Variants in NCOA7 observed in about 807,000 individuals in gnomAD.
NCOA7 encodes 140 kDa estrogen receptor-associated protein.
Under a neutral mutation model 104.3 loss-of-function variants are expected in NCOA7, and 45 were observed. That is an observed-to-expected ratio of 0.43 (90% CI 0.34 to 0.55). The LOEUF is 0.55. Ranked by LOEUF, NCOA7 falls within the 20% of genes least tolerant of loss-of-function variation. The pLI is 0.02. For missense variants in NCOA7, 1,041 were observed against 1,119.7 expected (o/e 0.93, Z 1.00); for synonymous variants, 398 against 402.3 (o/e 0.99, Z 0.13).
Position 125,809,671 on chromosome 6 carries a change from A to G in NCOA7, c.-64-5620A>G, listed in dbSNP as rs2003069. On this transcript the variant is annotated intron_variant, in intron 1 of 15. Coordinates refer to ENST00000392477, the MANE Select transcript of NCOA7 (RefSeq NM_181782.5). ...GTCATATTTTGGTATAAATATAACTATTTTCTAGGAGGAAATGCCTGCATA... is the reference window on the plus strand; with the variant it reads ...GTCATATTTTGGTATAAATATAACTGTTTTCTAGGAGGAAATGCCTGCATA... Among the ~76,000 whole-genome samples the G allele has an allele frequency of 7.5e-3, 1,144 of 152,224 alleles. 17 individuals carry two copies. Among genetic ancestry groups the G allele is most frequent in the South Asian group, 0.019 (90 of 4,824 alleles).
At chr6:125,830,082 C>T (rs1302552006) in intron 2 of NCOA7, among the ~76,000 whole-genome samples, 1 of 152,166 alleles carries the variant, frequency 6.6e-6, no homozygotes, top group African/African-American at 2.4e-5. Context: ...CTCAAGGCTG[C>T]TTATTTCTTG....
intron 1 of NCOA7, among the ~76,000 whole-genome samples, chr6:125,799,492 T>C (rs1775680260): frequency 6.6e-6 from 1 of 151,618 alleles, no homozygotes; most frequent in South Asian, 2.1e-4. Flanking sequence ...CAGGCTGGAA[T>C]GCAGTGGCGC....
At chr6:125,922,590 A>T (rs1787676485) in intron 12 of NCOA7, 92 bp from the exon 13 acceptor site, 1 of 1,449,598 alleles carries the variant, frequency 6.9e-7, no homozygotes, top group Non-Finnish European at 9.4e-7. Context: ...TATGATACTG[A>T]GTTTGAATAA....
chr6:125,846,328 A>T (rs1489120273), intron 2 of NCOA7, among the ~76,000 whole-genome samples: 1 of 150,626 alleles, frequency 6.6e-6, no homozygotes, highest in Non-Finnish European at 1.5e-5. Flanking sequence ...GACCCTTGGG[A>T]TGGTTTAGTT....
At chr6:125,874,197 C>T (rs1783172672) in intron 3 of NCOA7, among the ~76,000 whole-genome samples, 1 of 152,168 alleles carries the variant, frequency 6.6e-6, no homozygotes, top group Admixed American at 6.5e-5. Context: ...TGGTGGCGCA[C>T]ACCTGTAATC....
At chr6:125,836,052 GA>G (rs1365125957) in intron 2 of NCOA7, among the ~76,000 whole-genome samples, 2 of 152,084 alleles carry the variant, frequency 1.3e-5, no homozygotes, top group Admixed American at 1.3e-4. Flanking sequence ...AAACAAAATG[GA>G]AAAGGTACAA....
chr6:125,871,633 GAA>G (rs1333413193), intron 3 of NCOA7, among the ~76,000 whole-genome samples: 1 of 152,160 alleles, frequency 6.6e-6, no homozygotes, highest in African/African-American at 2.4e-5. Flanking sequence ...TTACATCAGT[GAA>G]AAGTGTTGCC....
intron 1 of NCOA7, among the ~76,000 whole-genome samples, chr6:125,793,040 A>C (rs1032840153): frequency 6.6e-6 from 1 of 152,202 alleles, no homozygotes; most frequent in African/African-American, 2.4e-5. Flanking sequence ...GCCATACTTT[A>C]TTACTATTGC....
In NCOA7 at chr6:125,889,160, A is replaced by T; in HGVS notation, c.1106A>T (p.Glu369Val). Reference sequence around the variant, plus strand: ...AAGCCCTCAGGCAGCTCTGTGTCAGAGAAATTAAAGAAACTGGACTCCTCT... The same window carrying T: ...AAGCCCTCAGGCAGCTCTGTGTCAGTGAAATTAAAGAAACTGGACTCCTCT... ...PTKPSGSSVS[E>V]KLKKLDSSRE... The change falls in exon 9 of 16, where the codon GAG (glutamate) becomes GTG (valine). Residue 369 changes from glutamate (E) to valine (V), a missense_variant. By Grantham distance (121) the Glu-to-Val change is moderately radical (BLOSUM62 -2). Coordinates refer to ENST00000392477, the MANE Select transcript of NCOA7 (RefSeq NM_181782.5). 2 of 1,614,166 alleles carry T rather than the reference A, an allele frequency of 1.2e-6. No homozygotes were observed. Among genetic ancestry groups the T allele is most frequent in the South Asian group, 2.2e-5 (2 of 91,088 alleles).
At chr6:125,793,499 A>G (rs774887900) in intron 1 of NCOA7, among the ~76,000 whole-genome samples, 9 of 152,142 alleles carry the variant, frequency 5.9e-5, no homozygotes, top group Admixed American at 2.0e-4. Context: ...GTGTCCTACA[A>G]CCAAATGCGC....
At chr6:125,840,867 G>GTTTTTTTTTTTT (rs1305583308) in intron 2 of NCOA7, among the ~76,000 whole-genome samples, 3 of 50,658 alleles carry the variant, frequency 5.9e-5, no homozygotes, top group Non-Finnish European at 7.6e-5. Context: ...TTGTTTGGTT[G>GTTTTTTTTTTTT]GTTTTTTTTT....
chr6:125,834,639 A>C (rs1398857562), intron 2 of NCOA7, among the ~76,000 whole-genome samples: 1 of 152,216 alleles, frequency 6.6e-6, no homozygotes, highest in Non-Finnish European at 1.5e-5. Context: ...TGTTTCTTTT[A>C]AGACCTCACT....
intron 10 of NCOA7, among the ~76,000 whole-genome samples, chr6:125,899,042 G>T (rs1293913023): frequency 1.3e-5 from 2 of 151,884 alleles, no homozygotes; most frequent in Non-Finnish European, 2.9e-5. Flanking sequence ...TATGTAAATT[G>T]CTTTTCCTTA....
intron 1 of NCOA7, among the ~76,000 whole-genome samples, chr6:125,800,583 T>C (rs548415573): frequency 4.6e-5 from 7 of 152,358 alleles, no homozygotes; most frequent in Admixed American, 2.0e-4. Context: ...TTATTAAACA[T>C]AAATTCTGTG....
chr6:125,921,014 G>A lies in NCOA7; in HGVS notation c.2316G>A (p.Val772=). 1 of 1,613,878 alleles carries A rather than the reference G, an allele frequency of 6.2e-7. No individual in the cohort carries two copies. Among genetic ancestry groups the A allele is most frequent in the Non-Finnish European group, 8.5e-7 (1 of 1,179,850 alleles). ...CSYYEDEDEE[V]LPVLRPHSAL... is the part of the protein sequence containing the mutation. ...ACTATGAAGACGAGGACGAAGAGGT[G>A]CTGCCTGTCCTACGGCCCCACAGCG... The change falls in exon 12 of 16, where the codon GTG becomes GTA. Residue 772 remains valine (V), a synonymous_variant. Transcript: ENST00000392477.
chr6:125,789,287 G>A (rs1583210893), upstream of NCOA7, among the ~76,000 whole-genome samples: 1 of 152,210 alleles, frequency 6.6e-6, no homozygotes, highest in East Asian at 1.9e-4. Flanking sequence ...GACAAGCGCA[G>A]TGCAGCTCCC....
At chr6:125,883,713 C>CTTT (rs35489978) in intron 7 of NCOA7, among the ~76,000 whole-genome samples, 63 of 85,938 alleles carry the variant, frequency 7.3e-4, no homozygotes, top group Non-Finnish European at 7.8e-4. Flanking sequence ...ACCTACACCT[C>CTTT]TTTTTTTTTT....
At chr6:125,874,095 C>T (rs997810313) in intron 3 of NCOA7, among the ~76,000 whole-genome samples, 18 of 152,162 alleles carry the variant, frequency 1.2e-4, no homozygotes, top group Non-Finnish European at 2.4e-4. Context: ...GAGGCTGAGG[C>T]GGGCGGATCA....
chr6:125,795,905 A>G (rs959475449), intron 1 of NCOA7, among the ~76,000 whole-genome samples: 2 of 152,226 alleles, frequency 1.3e-5, no homozygotes, highest in African/African-American at 4.8e-5. Flanking sequence ...ACCATTTGCC[A>G]ACATATCCTT....
Sources: allele counts gnomAD v4.1 joint callset (sites outside exome capture counted in the v4.1 genomes callset), GRCh38; gene constraint gnomAD v4.1.1; transcripts MANE v1.5; gene names NCBI Gene and HGNC (gene_info 2026-07-23, HGNC 2026-07-21).